The following BMPR1A variants were observed in gnomAD, a reference collection of about 807,000 sequenced individuals.
The protein encoded by BMPR1A is bone morphogenetic protein receptor type-1A.
Under a neutral mutation model 66.0 loss-of-function variants are expected in BMPR1A, and 7 were observed. The ratio of observed to expected loss-of-function variants is 0.11; its 90% CI spans 0.06 to 0.20. BMPR1A has a LOEUF of 0.20. BMPR1A is among the 10% of genes least tolerant of loss of function. BMPR1A has a pLI of 1.00. For missense variants in BMPR1A, 408 were observed against 669.1 expected (o/e 0.61, Z 4.31); for synonymous variants, 200 against 229.7 (o/e 0.87, Z 1.17).
chr10:86,845,065 A>ACT (rs1389845558), intron 2 of BMPR1A, among the ~76,000 whole-genome samples: 1 of 152,088 alleles, frequency 6.6e-6, no homozygotes, highest in Non-Finnish European at 1.5e-5. Flanking sequence ...AGTGCAGCAT[A>ACT]CTCTGTTTAC....
intron 2 of BMPR1A, among the ~76,000 whole-genome samples, chr10:86,849,412 G>A (rs190209572): frequency 6.6e-6 from 1 of 152,282 alleles, no homozygotes; most frequent in Non-Finnish European, 1.5e-5. Flanking sequence ...CCAACACTTT[G>A]ATGAAGGCTT....
intron 1 of BMPR1A, among the ~76,000 whole-genome samples, chr10:86,826,932 T>C (rs1240549868): frequency 6.6e-6 from 1 of 150,822 alleles, no homozygotes; most frequent in African/African-American, 2.4e-5. Context: ...ATTGTTAAAA[T>C]ATTAACATTT....
At chr10:86,809,609 T>TC (rs1841940586) in intron 1 of BMPR1A, among the ~76,000 whole-genome samples, 2 of 60,384 alleles carry the variant, frequency 3.3e-5, no homozygotes, top group African/African-American at 2.1e-4. Flanking sequence ...TTTTTTTTTT[T>TC]TTTCTCTTTT....
intron 1 of BMPR1A, among the ~76,000 whole-genome samples, chr10:86,826,238 A>G (rs1379926924): frequency 1.3e-5 from 2 of 152,188 alleles, no homozygotes; most frequent in East Asian, 1.9e-4. Context: ...GAGATATAGT[A>G]TTAATACAAT....
chr10:86,789,065 T>G (rs1300678460), intron 1 of BMPR1A, among the ~76,000 whole-genome samples: 4 of 152,182 alleles, frequency 2.6e-5, no homozygotes, highest in Non-Finnish European at 5.9e-5. Flanking sequence ...ACCAATGGAA[T>G]AGTGCTGGAA....
At chr10:86,807,279 A>G (rs2168730) in intron 1 of BMPR1A, among the ~76,000 whole-genome samples, 33,395 of 152,170 alleles carry the variant, frequency 0.22, 4,790 homozygotes, top group East Asian at 0.64. Context: ...GCCTTTCCCC[A>G]GTCCATTTCA....
At chr10:86,840,223 G>A (rs2133118514) in intron 2 of BMPR1A, among the ~76,000 whole-genome samples, 1 of 152,330 alleles carries the variant, frequency 6.6e-6, no homozygotes, top group South Asian at 2.1e-4. Flanking sequence ...ACTTCTGGAA[G>A]TGGCAGGCTT....
intron 1 of BMPR1A, among the ~76,000 whole-genome samples, chr10:86,829,598 C>T (rs1842241234): frequency 6.6e-6 from 1 of 152,234 alleles, no homozygotes; most frequent in Non-Finnish European, 1.5e-5. Context: ...ACACCTGCCC[C>T]ATGGCAGCCA....
At chr10:86,803,004 C>CAAAAA (rs59957238) in intron 1 of BMPR1A, among the ~76,000 whole-genome samples, 68 of 75,682 alleles carry the variant, frequency 9.0e-4, no homozygotes, top group Middle Eastern at 7.6e-3. Flanking sequence ...GACCCGGTCT[C>CAAAAA]AAAAAAAAAA....
chr10:86,872,294 A>G (rs886870602), intron 2 of BMPR1A, among the ~76,000 whole-genome samples: 5 of 152,212 alleles, frequency 3.3e-5, no homozygotes, highest in Non-Finnish European at 5.9e-5. Flanking sequence ...AGCACCTACT[A>G]TGTACCAGGC....
intron 1 of BMPR1A, among the ~76,000 whole-genome samples, chr10:86,835,427 G>T (rs969793703): frequency 7.3e-5 from 11 of 150,112 alleles, no homozygotes; most frequent in South Asian, 6.3e-4. Flanking sequence ...GCTGGGCATG[G>T]TTAATCCCAG....
At chr10:86,812,911 T>C (rs1841990320) in intron 1 of BMPR1A, among the ~76,000 whole-genome samples, 1 of 152,220 alleles carries the variant, frequency 6.6e-6, no homozygotes, top group African/African-American at 2.4e-5. Context: ...TTCACCATTA[T>C]GGTATCATAG....
intron 3 of BMPR1A, among the ~76,000 whole-genome samples, chr10:86,884,732 T>C (rs1843047330): frequency 6.6e-6 from 1 of 152,132 alleles, no homozygotes. Flanking sequence ...TGATTTTTAA[T>C]GCAATAACTA....
At position 86,790,214 on chromosome 10, in the gene BMPR1A, T is replaced by A. The variant is rs1161127188; in HGVS notation, c.-268+33295T>A. Among the ~76,000 whole-genome samples, 199 of 60,920 alleles carry A rather than the reference T, an allele frequency of 3.3e-3. 39 individuals carry two copies. Among genetic ancestry groups the A allele is most frequent in the Non-Finnish European group, 4.5e-3 (149 of 33,098 alleles). The allele number at this position is 60,920 out of a possible 152,430, so 40.0% of individuals were successfully genotyped here. ...ATATATATATATATATATATATATA[T>A]ATATATATATATATATATATATCAA... On this transcript the variant is annotated intron_variant, in intron 1 of 12. Coordinates refer to ENST00000372037, the MANE Select transcript of BMPR1A (RefSeq NM_004329.3).
intron 5 of BMPR1A, among the ~76,000 whole-genome samples, chr10:86,892,885 T>G (rs1057333937): frequency 3.3e-5 from 5 of 151,584 alleles, no homozygotes; most frequent in African/African-American, 7.3e-5. Flanking sequence ...AAAAAAATTC[T>G]TTTTTCTTTT....
chr10:86,888,150 T>C (rs942069330), intron 3 of BMPR1A, among the ~76,000 whole-genome samples: 50 of 117,032 alleles, frequency 4.3e-4, no homozygotes, highest in Non-Finnish European at 2.0e-4. Flanking sequence ...ACTTCCAGCT[T>C]TTTTTTTTTT....
At chr10:86,908,425 CAGG>C (rs1388128145) in intron 7 of BMPR1A, among the ~76,000 whole-genome samples, 6 of 152,122 alleles carry the variant, frequency 3.9e-5, no homozygotes, top group Non-Finnish European at 5.9e-5. Context: ...TGTTGATAGG[CAGG>C]AGGTGTTCAG....
chr10:86,830,209 C>G (rs974172349), intron 1 of BMPR1A, among the ~76,000 whole-genome samples: 1 of 152,188 alleles, frequency 6.6e-6, no homozygotes, highest in Non-Finnish European at 1.5e-5. Context: ...CCAAGGTGAT[C>G]AGACATCAGC....
intron 1 of BMPR1A, among the ~76,000 whole-genome samples, chr10:86,801,775 G>A (rs891323899): frequency 9.9e-5 from 15 of 151,938 alleles, no homozygotes; most frequent in Non-Finnish European, 1.8e-4. Context: ...GTGCAGTGGC[G>A]CATGTTGGCT....
Sources: gnomAD v4.1 joint callset for allele counts (sites outside exome capture counted in the v4.1 genomes callset) on GRCh38, gnomAD v4.1.1 for gene constraint, MANE v1.5 for transcripts, NCBI Gene and HGNC (gene_info 2026-07-23, HGNC 2026-07-21) for gene names.